PIP4P2: variants seen among roughly 807,000 people sequenced by gnomAD.
The protein encoded by PIP4P2 is type 2 phosphatidylinositol 4,5-bisphosphate 4-phosphatase.
Under a neutral mutation model 33.3 loss-of-function variants are expected in PIP4P2, and 19 were observed. That is an observed-to-expected ratio of 0.57 (90% CI 0.40 to 0.84). The LOEUF is 0.84. Among genes scored for constraint, PIP4P2 ranks in the 40% least tolerant of loss-of-function variants. The pLI is 0.00. For missense variants in PIP4P2, 270 were observed against 324.7 expected, an observed-to-expected ratio of 0.83 and a Z score of 1.29; for synonymous variants, 110 against 111.9, an observed-to-expected ratio of 0.98 and a Z score of 0.11.
At chr8:91,033,097 C>A (rs1380291761) in intron 1 of PIP4P2, among the ~76,000 whole-genome samples, 1 of 152,164 alleles carries the variant, frequency 6.6e-6, no homozygotes. Flanking sequence ...TTGAGAGCAT[C>A]GTCTCCCTCT....
At chr8:91,020,319 AGTTT>A (rs1811990352) in intron 2 of PIP4P2, 56 bp from the exon 3 acceptor site, 10 of 1,519,028 alleles carry the variant, frequency 6.6e-6, no homozygotes, top group South Asian at 2.3e-5. Context: ...AGATTGTCAA[AGTTT>A]GTTTGTGTTT....
chr8:91,026,561 C>T (rs1812086667), intron 1 of PIP4P2, among the ~76,000 whole-genome samples: 1 of 152,116 alleles, frequency 6.6e-6, no homozygotes, highest in Admixed American at 6.6e-5. Context: ...GTGGCAGTTG[C>T]TTCTTGCTAC....
Position 91,020,191 on chromosome 8 carries a change from T to C in PIP4P2, c.328A>G (p.Thr110Ala), listed in dbSNP as rs771639525. 3.7e-6 allele frequency: 6 copies of C among 1,613,826 alleles called. No homozygotes were observed. Among genetic ancestry groups the C allele is most frequent in the Non-Finnish European group, 5.1e-6 (6 of 1,179,802 alleles). The change falls in exon 3 of 7, where the codon ACA (threonine) becomes GCA (alanine). Residue 110 changes from threonine (T) to alanine (A), a missense_variant. Coordinates refer to ENST00000285419, the MANE Select transcript of PIP4P2 (RefSeq NM_018710.3). ...CTTGGGCATCCTATTCGCCGAGATG[T>C]GTCCTTACAAATGAGAAGACAATTA... ...PCNCLLICKDTSRRIGCPRPN... is the reference protein window; with the variant it reads ...PCNCLLICKDASRRIGCPRPN...
At chr8:91,032,861 T>A (rs1033623436) in intron 1 of PIP4P2, among the ~76,000 whole-genome samples, 4 of 151,710 alleles carry the variant, frequency 2.6e-5, no homozygotes, top group Middle Eastern at 3.2e-3. Flanking sequence ...TTTTCCCAAA[T>A]GGAAGTATTA....
Position 90,994,192 on chromosome 8 carries a change from C to T in PIP4P2, c.*1485G>A, listed in dbSNP as rs946796501. The T allele has an allele frequency of 1.3e-5, 2 of 151,948 alleles. No individual in the cohort carries two copies. Among genetic ancestry groups the T allele is most frequent in the Admixed American group, 6.6e-5 (1 of 15,262 alleles). 9.4% of individuals were successfully genotyped at this position (151,948 alleles called of 1,614,324 possible). A position where few individuals can be genotyped will look rare whatever the true frequency, so the allele number is the denominator to read the frequency against. On this transcript the variant is annotated 3_prime_UTR_variant, in exon 7 of 7. Transcript: ENST00000285419. Reference sequence around the variant, plus strand: ...ATTATATAAAGAAACAGGTACATTCCTAAACATGAAAACTTTACAGCAAGA... The same window carrying T: ...ATTATATAAAGAAACAGGTACATTCTTAAACATGAAAACTTTACAGCAAGA...
intron 3 of PIP4P2, 95 bp downstream of exon 3, chr8:91,020,060 ACT>A: frequency 8.3e-7 from 1 of 1,209,582 alleles, no homozygotes; most frequent in Non-Finnish European, 1.2e-6. Flanking sequence ...GAAAACAAAA[ACT>A]CTTTCTAGAA....
rs190593802 is a variant in PIP4P2, at chr8:91,026,742, A to G, written c.107-5338T>C. The stretch of plus-strand genomic sequence containing the variant: ...AGTGATCTCAGGAAACAATTCCTCA[A>G]AGATGGAATTGGAGAAGTGGTTTGG... On this transcript the variant is annotated intron_variant, in intron 1 of 6. Coordinates refer to ENST00000285419, the MANE Select transcript of PIP4P2 (RefSeq NM_018710.3). Among the ~76,000 whole-genome samples the G allele has an allele frequency of 7.2e-5, 11 of 152,304 alleles. No individual in the cohort carries two copies. The East Asian group carries it at 1.5e-3, about 21-fold the overall frequency.
intron 4 of PIP4P2, among the ~76,000 whole-genome samples, chr8:91,016,929 T>G (rs1430045586): frequency 6.6e-6 from 1 of 152,190 alleles, no homozygotes; most frequent in Non-Finnish European, 1.5e-5. Flanking sequence ...TATTTGTAAG[T>G]CCAAGAAAAT....
chr8:91,023,172 G>T (rs544364752), intron 1 of PIP4P2, among the ~76,000 whole-genome samples: 6 of 151,164 alleles, frequency 4.0e-5, no homozygotes, highest in Non-Finnish European at 2.9e-5. Context: ...AAGACACACT[G>T]CCTGGTATAT....
chr8:91,023,966 C>G (rs1812046135), intron 1 of PIP4P2, among the ~76,000 whole-genome samples: 1 of 152,038 alleles, frequency 6.6e-6, no homozygotes, highest in Non-Finnish European at 1.5e-5. Context: ...TACATTAACC[C>G]TACTCTCCTT....
At chr8:90,996,957 C>A (rs192816848) in intron 5 of PIP4P2, among the ~76,000 whole-genome samples, 234 of 152,098 alleles carry the variant, frequency 1.5e-3, no homozygotes, top group Admixed American at 2.2e-3. Context: ...TGGCTTTAAA[C>A]AAAGTTCAAG....
At position 90,995,692 on chromosome 8, in the gene PIP4P2, T is replaced by C; in HGVS notation, c.759A>G (p.Glu253=). ...YWGAIRVSYP[E]HSFA is the part of the protein sequence containing the mutation. Reference sequence around the variant, plus strand: ...ATAAACAAGCTTATGCAAAACTGTGTTCTGGATAACTGACTCTTATGGCTC... The same window carrying C: ...ATAAACAAGCTTATGCAAAACTGTGCTCTGGATAACTGACTCTTATGGCTC... Residue 253 remains glutamate, a synonymous_variant, in exon 7 of 7, where the codon GAA becomes GAG. Coordinates refer to ENST00000285419, the MANE Select transcript of PIP4P2 (RefSeq NM_018710.3). 3 of 1,612,154 alleles carry C rather than the reference T, an allele frequency of 1.9e-6. No homozygotes were observed. Among genetic ancestry groups the C allele is most frequent in the East Asian group, 2.2e-5 (1 of 44,812 alleles).
intron 5 of PIP4P2, among the ~76,000 whole-genome samples, chr8:90,997,624 C>A (rs1811645935): frequency 6.6e-6 from 1 of 151,974 alleles, no homozygotes; most frequent in South Asian, 2.1e-4. Flanking sequence ...AGATTAGTAG[C>A]CAAATTAGCA....
At chr8:91,035,117 A>AT (rs1357343297) in intron 1 of PIP4P2, among the ~76,000 whole-genome samples, 1 of 152,160 alleles carries the variant, frequency 6.6e-6, no homozygotes, top group African/African-American at 2.4e-5. Context: ...CACTGAAAAC[A>AT]TTTTCTCAAG....
At chr8:91,000,419 G>C (rs1304165282) in intron 5 of PIP4P2, among the ~76,000 whole-genome samples, 2 of 150,868 alleles carry the variant, frequency 1.3e-5, no homozygotes, top group Non-Finnish European at 3.0e-5. Flanking sequence ...TTTTTAGTAA[G>C]GGTACCAGGA....
At position 90,994,279 on chromosome 8, in the gene PIP4P2, C is replaced by A. The variant is rs1016753758; in HGVS notation, c.*1398G>T. On this transcript the variant is annotated 3_prime_UTR_variant, in exon 7 of 7. Coordinates refer to ENST00000285419, the MANE Select transcript of PIP4P2 (RefSeq NM_018710.3). ...GGAATAAAACAAGGTAATTTTTGAA[C>A]AATAATCTTTATTAGTGTATTTTTA... 6.6e-6 allele frequency: 1 copy of A among 151,986 alleles called. No individual in the cohort carries two copies. The highest frequency in any genetic ancestry group is 6.5e-5 in the Admixed American group (1 of 15,270). The allele number at this position is 151,986 out of a possible 1,614,324, so 9.4% of individuals were successfully genotyped here.
chr8:91,039,292 T>G (rs1234602345), intron 1 of PIP4P2, among the ~76,000 whole-genome samples: 1 of 152,208 alleles, frequency 6.6e-6, no homozygotes, highest in Admixed American at 6.5e-5. Context: ...GATACAAGTT[T>G]AATGCTGACC....
At chr8:91,034,323 A>G (rs994501650) in intron 1 of PIP4P2, among the ~76,000 whole-genome samples, 1 of 152,206 alleles carries the variant, frequency 6.6e-6, no homozygotes, top group Non-Finnish European at 1.5e-5. Context: ...TGGGCATTAT[A>G]AAACAGAATA....
chr8:91,038,277 AAGAG>A (rs1236237237), intron 1 of PIP4P2, among the ~76,000 whole-genome samples: 2 of 152,238 alleles, frequency 1.3e-5, no homozygotes, highest in African/African-American at 4.8e-5. Flanking sequence ...AGGTAAAAGA[AAGAG>A]AAAGGGGTCA....
Sources: gnomAD v4.1 joint callset for allele counts (sites outside exome capture counted in the v4.1 genomes callset) on GRCh38, gnomAD v4.1.1 for gene constraint, MANE v1.5 for transcripts, NCBI Gene and HGNC (gene_info 2026-07-23, HGNC 2026-07-21) for gene names.